Variants in DLG2 observed in about 807,000 individuals in gnomAD.
DLG2 encodes disks large homolog 2.
A neutral mutation model predicts 132.5 loss-of-function variants in DLG2; 45 were observed. The ratio of observed to expected loss-of-function variants is 0.34; its 90% CI spans 0.27 to 0.44. DLG2 has a LOEUF of 0.44. DLG2 is among the 20% of genes least tolerant of loss of function. DLG2 has a pLI of 1.00. For missense variants in DLG2, 1,045 were observed against 1,196.9 expected (o/e 0.87, Z 1.87); for synonymous variants, 424 against 419.6 (o/e 1.01, Z -0.13).
chr11:85,180,120 A>C (rs1566974179), intron 4 of DLG2, among the ~76,000 whole-genome samples: 2 of 151,890 alleles, frequency 1.3e-5, no homozygotes, highest in Admixed American at 1.3e-4. Flanking sequence ...GGATGTCAAA[A>C]TGCCAGCAGG....
intron 6 of DLG2, among the ~76,000 whole-genome samples, chr11:84,740,990 A>G (rs1033332964): frequency 3.3e-5 from 5 of 151,454 alleles, no homozygotes; most frequent in Non-Finnish European, 5.9e-5. Context: ...GGGCATGAGA[A>G]GCATCCCCAT....
At chr11:85,579,052 TA>T (rs1366230197) in intron 3 of DLG2, among the ~76,000 whole-genome samples, 15 of 152,038 alleles carry the variant, frequency 9.9e-5, no homozygotes, top group Non-Finnish European at 1.9e-4. Flanking sequence ...TACACAGCCA[TA>T]AAAAAGAACA....
chr11:84,929,556 A>C (rs981965840), intron 6 of DLG2, among the ~76,000 whole-genome samples: 9 of 152,026 alleles, frequency 5.9e-5, no homozygotes, highest in African/African-American at 1.2e-4. Flanking sequence ...CACAAAGCTT[A>C]AAAGCAGCAC....
chr11:85,591,338 A>C (rs1184067372), intron 3 of DLG2, among the ~76,000 whole-genome samples: 2 of 152,346 alleles, frequency 1.3e-5, no homozygotes, highest in East Asian at 3.9e-4. Context: ...TAAAAGCATA[A>C]ATATCAAGGA....
chr11:83,476,720 G>GAAAAA (rs1167027136), intron 22 of DLG2, among the ~76,000 whole-genome samples: 1 of 152,064 alleles, frequency 6.6e-6, no homozygotes, highest in Admixed American at 6.6e-5. Context: ...AAAAATGAAT[G>GAAAAA]GGATTCAGAA....
chr11:83,682,035 T>G lies in DLG2; in HGVS notation c.1826-48710A>C, dbSNP rs74461043. ...TATTTTGCTCGTTAAAAGGAAATTG[T>G]GGAATTTGTCAGGAGCCCAAACACT... On this transcript the variant is annotated intron_variant, in intron 18 of 27. Transcript: ENST00000376104. 251 of 642,034 alleles carry G rather than the reference T, an allele frequency of 3.9e-4. 2 individuals are homozygous for G. In the African/African-American group the frequency reaches 4.8e-3, roughly 12 times the overall value. The allele number at this position is 642,034 out of a possible 1,614,324, so 39.8% of individuals were successfully genotyped here.
chr11:83,982,759 C>T (rs554967532), intron 11 of DLG2, among the ~76,000 whole-genome samples: 12 of 152,160 alleles, frequency 7.9e-5, no homozygotes, highest in African/African-American at 2.9e-4. Flanking sequence ...ACTGATTTAC[C>T]CAGAGCAATT....
At chr11:84,775,216 C>A (rs1276279134) in intron 6 of DLG2, among the ~76,000 whole-genome samples, 1 of 151,994 alleles carries the variant, frequency 6.6e-6, no homozygotes, top group African/African-American at 2.4e-5. Flanking sequence ...ACATCAAAAC[C>A]ACAATGAGAT....
At chr11:84,763,760 T>A (rs960596611) in intron 6 of DLG2, among the ~76,000 whole-genome samples, 1 of 152,316 alleles carries the variant, frequency 6.6e-6, no homozygotes, top group South Asian at 2.1e-4. Context: ...TAACTTTTTT[T>A]AAATGCCATT....
intron 6 of DLG2, among the ~76,000 whole-genome samples, chr11:84,615,174 G>A (rs1405451894): frequency 6.6e-6 from 1 of 152,006 alleles, no homozygotes; most frequent in Non-Finnish European, 1.5e-5. Context: ...TTGTAATTCT[G>A]GGGTAGAGGA....
intron 7 of DLG2, among the ~76,000 whole-genome samples, chr11:84,258,561 TG>T (rs1163009530): frequency 6.6e-6 from 1 of 152,154 alleles, no homozygotes; most frequent in Non-Finnish European, 1.5e-5. Flanking sequence ...AAAACATTAT[TG>T]TTCCCATTAA....
At chr11:85,545,848 T>C (rs1474884908) in intron 3 of DLG2, among the ~76,000 whole-genome samples, 2 of 152,050 alleles carry the variant, frequency 1.3e-5, no homozygotes, top group Non-Finnish European at 2.9e-5. Flanking sequence ...CCCTTTACCA[T>C]TTTTTTATTG....
chr11:83,580,825 C>T (rs2096959377), intron 19 of DLG2, among the ~76,000 whole-genome samples: 1 of 115,006 alleles, frequency 8.7e-6, no homozygotes, highest in Non-Finnish European at 1.8e-5. Flanking sequence ...CAGGCTTCCT[C>T]CCTTCCCCCC....
At chr11:84,876,281 C>G (rs1379936152) in intron 6 of DLG2, among the ~76,000 whole-genome samples, 1 of 152,184 alleles carries the variant, frequency 6.6e-6, no homozygotes, top group Non-Finnish European at 1.5e-5. Flanking sequence ...CTTTGTACCT[C>G]TGGTAGAATT....
intron 3 of DLG2, among the ~76,000 whole-genome samples, chr11:85,498,327 CAAA>C (rs1199565438): frequency 6.6e-6 from 1 of 152,082 alleles, no homozygotes; most frequent in Non-Finnish European, 1.5e-5. Context: ...TCAAAAGAGA[CAAA>C]GAATGCCATT....
At chr11:85,404,041 G>A (rs901977701) in intron 3 of DLG2, among the ~76,000 whole-genome samples, 3 of 152,016 alleles carry the variant, frequency 2.0e-5, no homozygotes, top group Non-Finnish European at 4.4e-5. Context: ...TAAGTCTACA[G>A]ATTTGCAGAG....
At chr11:84,723,021 T>G (rs1352734121) in intron 6 of DLG2, among the ~76,000 whole-genome samples, 1 of 152,238 alleles carries the variant, frequency 6.6e-6, no homozygotes, top group Non-Finnish European at 1.5e-5. Context: ...TTTACCATTT[T>G]ATTCCTTTAT....
chr11:85,526,880 T>G (rs1171461176), intron 3 of DLG2, among the ~76,000 whole-genome samples: 2 of 152,196 alleles, frequency 1.3e-5, no homozygotes, highest in East Asian at 3.8e-4. Flanking sequence ...ACACAACATG[T>G]GAATATAATA....
rs534219428 is a variant in DLG2 at position 83,479,198 on chromosome 11, C to T, written c.2293+4931G>A. 2.6e-5 allele frequency among the ~76,000 whole-genome samples: 4 copies of T among 151,926 alleles called. No homozygotes were observed. The South Asian group carries it at 6.2e-4, about 24-fold the overall frequency. ...TTTCTTCATTTTATTCCTTGGTCTA[C>T]ATCTTCCTTCTCTGAGCCTACCTCC... On this transcript the variant is annotated intron_variant, in intron 22 of 27. Coordinates refer to ENST00000376104, the MANE Select transcript of DLG2 (RefSeq NM_001142699.3).
Sources: gnomAD v4.1 joint callset for allele counts (sites outside exome capture counted in the v4.1 genomes callset) on GRCh38, gnomAD v4.1.1 for gene constraint, MANE v1.5 for transcripts, NCBI Gene and HGNC (gene_info 2026-07-23, HGNC 2026-07-21) for gene names.